The following NAV2 variants were observed in gnomAD, a reference collection of about 807,000 sequenced individuals.
NAV2 encodes helicase, APC down-regulated 1.
NAV2 carries 54 observed loss-of-function variants against 223.2 expected under a neutral mutation model. The observed-to-expected ratio is 0.24, with a 90% CI of 0.19 to 0.30. The LOEUF (loss-of-function observed/expected upper bound fraction) is 0.30. NAV2 is among the 10% of genes least tolerant of loss of function. NAV2 has a pLI of 1.00. For synonymous variants in NAV2, 1,279 were observed against 1,239.3 expected (o/e 1.03, Z -0.67); for missense variants, 2,806 against 3,147.5 (o/e 0.89, Z 2.60).
chr11:20,035,897 C>T lies in NAV2; in HGVS notation c.2769-62C>T, dbSNP rs546791140. On this transcript the variant is annotated intron_variant, in intron 11 of 37. Coordinates refer to ENST00000349880, the MANE Select transcript of NAV2 (RefSeq NM_145117.5). ...GGGGATGGTGTTTGTCTGTCTGTGT[C>T]ATCAGCCTGAGCTGGAACAGCCTGA... 349 of 1,601,958 alleles carry T rather than the reference C, an allele frequency of 2.2e-4. No individual in the cohort carries two copies. In the Middle Eastern group the frequency reaches 3.5e-3, roughly 16 times the overall value.
chr11:19,624,766 AC>A (rs1006181642), intron 1 of NAV2, among the ~76,000 whole-genome samples: 1 of 152,014 alleles, frequency 6.6e-6, no homozygotes, highest in African/African-American at 2.4e-5. Context: ...ACTGTCCTGC[AC>A]CCACTGTCTG....
intron 20 of NAV2, among the ~76,000 whole-genome samples, chr11:20,066,537 G>T (rs1235471307): frequency 6.6e-6 from 1 of 152,194 alleles, no homozygotes; most frequent in Admixed American, 6.5e-5. Flanking sequence ...GTTGCTGCTA[G>T]TAGGAGCCAA....
At position 19,523,610 on chromosome 11, in the gene NAV2, C is replaced by T. The variant is rs954058857; in HGVS notation, c.75+172583C>T. On this transcript the variant is annotated intron_variant, in intron 1 of 37. Coordinates refer to the NAV2 transcript ENST00000360655. ...AGTCTGGTGACATTTCTTCTTCTTC[C>T]GAGCCACTCTTCTTCTTTCTCCTCT... Among the ~76,000 whole-genome samples, 15 of 152,176 alleles carry T rather than the reference C, an allele frequency of 9.9e-5. No homozygotes were observed. In the East Asian group the frequency reaches 1.2e-3, roughly 12 times the overall value.
intron 1 of NAV2, among the ~76,000 whole-genome samples, chr11:19,816,470 T>G (rs2059096024): frequency 6.6e-6 from 1 of 152,238 alleles, no homozygotes; most frequent in Non-Finnish European, 1.5e-5. Context: ...CCTCTGTCCG[T>G]TACCCCTCCC....
At chr11:20,023,171 G>T (rs1221083589) in intron 11 of NAV2, 13 of 1,543,888 alleles carry the variant, frequency 8.4e-6, no homozygotes, top group Non-Finnish European at 1.1e-5. Flanking sequence ...CCAGGGGGTG[G>T]GTGTGGTGCA....
At position 19,792,682 on chromosome 11, in the gene NAV2, A is replaced by G. The variant is rs186799079; in HGVS notation, c.268-39802A>G. 3.4e-3 allele frequency among the ~76,000 whole-genome samples: 521 copies of G among 152,232 alleles called. 6 individuals are homozygous for G. Among genetic ancestry groups the G allele is most frequent in the Non-Finnish European group, 5.5e-3 (374 of 68,026 alleles). On this transcript the variant is annotated intron_variant, in intron 1 of 37. Coordinates refer to ENST00000349880, the MANE Select transcript of NAV2 (RefSeq NM_145117.5). ...CCCTTTGGGACATCTCTTCTGCTTT[A>G]TTTGAAACTTCCGGCTTCATTAATA...
In NAV2 at chr11:19,933,486, A is replaced by G; in HGVS notation, c.1242A>G (p.Ser414=). 1 of 1,611,056 alleles carries G rather than the reference A, an allele frequency of 6.2e-7. No homozygotes were observed. Among genetic ancestry groups the G allele is most frequent in the Non-Finnish European group, 8.5e-7 (1 of 1,178,812 alleles). ...AACTTTTCAACAGTAAAGGGGGCTC[A>G]AAGGCAGGTGAGGGGCCGGGGTCCC... is the stretch of plus-strand genomic sequence containing the variant. ...KLKLFNSKGG[S]KAGEGPGSRD... The change falls in exon 7 of 38, where the codon TCA becomes TCG. Residue 414 remains serine (S), a synonymous_variant. Coordinates refer to ENST00000349880, the MANE Select transcript of NAV2 (RefSeq NM_145117.5). The surrounding 1 kb of genome is among the most constrained non-coding windows in gnomAD (Gnocchi z 4.3).
intron 7 of NAV2, among the ~76,000 whole-genome samples, chr11:19,938,799 G>C (rs2046144868): frequency 6.6e-6 from 1 of 152,208 alleles, no homozygotes; most frequent in South Asian, 2.1e-4. Flanking sequence ...GAACAAAGGA[G>C]GGAAGAACAG....
intron 1 of NAV2, among the ~76,000 whole-genome samples, chr11:19,388,951 CTT>C (rs1444009455): frequency 6.6e-6 from 1 of 152,222 alleles, no homozygotes; most frequent in African/African-American, 2.4e-5. Flanking sequence ...AATCCAGACT[CTT>C]TTAACTTCAG....
intron 1 of NAV2, among the ~76,000 whole-genome samples, chr11:19,567,491 G>C (rs754392123): frequency 6.6e-6 from 1 of 152,174 alleles, no homozygotes; most frequent in Admixed American, 6.5e-5. Context: ...TGTCCAGAGA[G>C]GTTGAGTGAT....
chr11:20,111,117 T>C (rs1251044584), intron 36 of NAV2, among the ~76,000 whole-genome samples: 4 of 152,214 alleles, frequency 2.6e-5, no homozygotes. Context: ...GATGCACTTG[T>C]GGAACTGCTT....
chr11:19,675,049 C>T (rs1241491036), intron 1 of NAV2, among the ~76,000 whole-genome samples: 1 of 152,146 alleles, frequency 6.6e-6, no homozygotes, highest in Non-Finnish European at 1.5e-5. Flanking sequence ...CTCCAGAGAC[C>T]TCATGGCCAC....
At chr11:19,608,212 C>T (rs1259866682) in intron 1 of NAV2, among the ~76,000 whole-genome samples, 1 of 152,206 alleles carries the variant, frequency 6.6e-6, no homozygotes, top group Non-Finnish European at 1.5e-5. Flanking sequence ...AAACAGAACT[C>T]ATGCTTTCAC....
intron 1 of NAV2, among the ~76,000 whole-genome samples, chr11:19,412,562 A>G (rs1173998674): frequency 6.6e-6 from 1 of 152,200 alleles, no homozygotes; most frequent in Non-Finnish European, 1.5e-5. Context: ...CAGCACAGCA[A>G]TCGAGCTCTG....
rs1015600180 is a variant in NAV2, at chr11:20,049,179, A to G, written c.4354A>G (p.Thr1452Ala). 2.8e-5 allele frequency: 45 copies of G among 1,597,364 alleles called. No homozygotes were observed. The highest frequency in any genetic ancestry group is 3.8e-5 in the Non-Finnish European group (45 of 1,170,096). Residue 1452 changes from threonine to alanine, a missense_variant, in exon 15 of 38, where the codon ACC becomes GCC. Thr to Ala is a moderately conservative substitution (Grantham distance 58). Around this residue, in one of 4 missense-constraint regions of NAV2, gnomAD observed 742 missense variants for 777.9 expected, o/e 0.95. Coordinates refer to ENST00000349880, the MANE Select transcript of NAV2 (RefSeq NM_145117.5). Reference sequence around the variant, plus strand: ...CTTTGTCAGAACTAACAGTGTGAAGACCACACTGTCAGAAAGGTTGGTGCT... The same window carrying G: ...CTTTGTCAGAACTAACAGTGTGAAGGCCACACTGTCAGAAAGGTTGGTGCT... Reference protein sequence around the residue: ...TPFVRTNSVKTTLSESPLSSP... With the variant: ...TPFVRTNSVKATLSESPLSSP...
chr11:19,798,264 C>T (rs1405532333), intron 1 of NAV2, among the ~76,000 whole-genome samples: 5 of 152,208 alleles, frequency 3.3e-5, no homozygotes, highest in Non-Finnish European at 5.9e-5. Flanking sequence ...ACTCCCTTCT[C>T]ACCTCACCAA....
intron 1 of NAV2, among the ~76,000 whole-genome samples, chr11:19,628,275 T>C (rs1038467992): frequency 2.6e-5 from 4 of 152,168 alleles, no homozygotes; most frequent in Non-Finnish European, 5.9e-5. Flanking sequence ...AGGGAGAATG[T>C]TCCTGGGTGA....
chr11:19,489,834 G>A (rs1029209622), intron 1 of NAV2, among the ~76,000 whole-genome samples: 4 of 152,118 alleles, frequency 2.6e-5, no homozygotes, highest in South Asian at 2.1e-4. Context: ...ACACTGTCAC[G>A]GGATCCACAG....
chr11:19,837,263 C>A (rs1462064967), intron 2 of NAV2, among the ~76,000 whole-genome samples: 1 of 152,048 alleles, frequency 6.6e-6, no homozygotes, highest in Admixed American at 6.6e-5. Flanking sequence ...ATAGATATAT[C>A]AATGGAGGAG....
Sources: allele counts gnomAD v4.1 joint callset (sites outside exome capture counted in the v4.1 genomes callset), GRCh38; gene constraint gnomAD v4.1.1; regional missense constraint gnomAD v4.1.1; non-coding constraint Gnocchi (gnomAD v3.1); transcripts MANE v1.5; gene names NCBI Gene and HGNC (gene_info 2026-07-23, HGNC 2026-07-21).